The following FBXW9 variants were observed in gnomAD, a reference collection of about 807,000 sequenced individuals.
FBXW9 encodes F-box and WD repeat domain containing 9, also known as F-box/WD repeat-containing protein 9.
In FBXW9, 38 loss-of-function variants were observed where a neutral mutation model predicts 55.8. The observed-to-expected ratio is 0.68, with a 90% CI of 0.53 to 0.89. The LOEUF is 0.89. FBXW9 is among the 40% of genes least tolerant of loss of function. The probability of loss-of-function intolerance (pLI) is 0.00; values close to 1 mark genes in which losing one functional copy is unlikely to be tolerated. For synonymous variants in FBXW9, 289 were observed against 278.2 expected (o/e 1.04, Z -0.38); for missense variants, 590 against 619.4 (o/e 0.95, Z 0.50).
At position 12,689,472 on chromosome 19, in the gene FBXW9, GC is replaced by G. The variant is rs748147575; in HGVS notation, c.1237-36del. 6.2e-7 allele frequency: 1 copy of G among 1,614,082 alleles called. No homozygotes were observed. The highest frequency in any genetic ancestry group is 8.5e-7 in the Non-Finnish European group (1 of 1,179,924). ...GGCAATGGGCGAGGTCAAGAGGTGT[GC>G]CCCTGGCTGATGGAGGTAGGGGAGA... On this transcript the variant is annotated intron_variant, in intron 8 of 9. Coordinates refer to ENST00000393261, the MANE Select transcript of FBXW9 (RefSeq NM_032301.3). The surrounding 1 kb of genome is among the most constrained non-coding windows in gnomAD (Gnocchi z 5.9).
chr19:12,690,636 T>C (rs1347440173), intron 5 of FBXW9, among the ~76,000 whole-genome samples: 2 of 151,554 alleles, frequency 1.3e-5, no homozygotes, highest in Non-Finnish European at 2.9e-5. Context: ...AAAAGAAAAA[T>C]GGCCGGGCGC....
In FBXW9 at chr19:12,696,354, C is replaced by A. The variant is rs569766529; in HGVS notation, c.228G>T (p.Glu76Asp). The part of the protein sequence containing the change: ...RAASRVSAVS[E>D]PGLLSLPPEL... ...CCGGGGGAAGGCTCAGAAGGCCCGG[C>A]TCACTTACGGCCGAAACCCTGGACG... Residue 76 changes from glutamate (E) to aspartate (D), a missense_variant, in exon 1 of 10, where the codon GAG becomes GAT. Coordinates refer to ENST00000393261, the MANE Select transcript of FBXW9 (RefSeq NM_032301.3). The A allele has an allele frequency of 1.2e-6, 2 of 1,604,770 alleles. No individual in the cohort carries two copies. Among genetic ancestry groups the A allele is most frequent in the African/African-American group, 2.7e-5 (2 of 74,998 alleles).
chr19:12,691,564 A>C (rs140492246), intron 3 of FBXW9, 110 bp from the exon 4 acceptor site: 583 of 822,600 alleles, frequency 7.1e-4, no homozygotes, highest in Non-Finnish European at 9.4e-4. Flanking sequence ...GACTCACCCA[A>C]AGCCACATAG....
Position 12,694,925 on chromosome 19 carries a change from G to A in FBXW9, c.423C>T (p.Asp141=). 1.9e-6 allele frequency: 3 copies of A among 1,613,462 alleles called. No individual in the cohort carries two copies. Among genetic ancestry groups the A allele is most frequent in the Non-Finnish European group, 2.5e-6 (3 of 1,179,944 alleles). Residue 141 remains aspartate, a synonymous_variant, in exon 2 of 10, where the codon GAC becomes GAT. Coordinates refer to ENST00000393261, the MANE Select transcript of FBXW9 (RefSeq NM_032301.3). ...CCAGCGCAATGCAGGCTGCCGGCCA[G>A]TCAAAGTTCTTCTCTGTGGGTTACC... ...PYPVVEEKNF[D]WPAACIALEQ...
intron 1 of FBXW9, among the ~76,000 whole-genome samples, 153 bp downstream of exon 1, chr19:12,696,020 A>C (rs2025065288): frequency 6.6e-6 from 1 of 152,156 alleles, no homozygotes; most frequent in South Asian, 2.1e-4. Context: ...CGGCACCACC[A>C]GTAACTACCT....
In FBXW9 at chr19:12,689,809, G is replaced by A; in HGVS notation, c.1098C>T (p.Gly366=). The A allele has an allele frequency of 6.2e-7, 1 of 1,614,168 alleles. No homozygotes were observed. The highest frequency in any genetic ancestry group is 8.5e-7 in the Non-Finnish European group (1 of 1,180,022). The change falls in exon 7 of 10, where the codon GGC becomes GGT. Residue 366 remains glycine (G), a synonymous_variant. Coordinates refer to ENST00000393261, the MANE Select transcript of FBXW9 (RefSeq NM_032301.3). The surrounding 1 kb of genome is among the most constrained non-coding windows in gnomAD (Gnocchi z 5.9). ...EPQLWAGDNQ[G]LLHVFANRNG... is the part of the protein sequence containing the mutation. ...TGCGGTTGGCGAAGACGTGCAGCAGGCCCTGGTTGTCACCAGCCCAGAGCT... is the reference window on the plus strand; with the variant it reads ...TGCGGTTGGCGAAGACGTGCAGCAGACCCTGGTTGTCACCAGCCCAGAGCT...
At chr19:12,694,333 G>A (rs1236662032) in intron 3 of FBXW9, among the ~76,000 whole-genome samples, 2 of 124,402 alleles carry the variant, frequency 1.6e-5, no homozygotes, top group Non-Finnish European at 3.1e-5. Context: ...ACGAGACTCC[G>A]TCTCAAAAAA....
chr19:12,691,139 A>G (rs1474524226), intron 5 of FBXW9, 27 bp downstream of exon 5: 3 of 1,598,158 alleles, frequency 1.9e-6, no homozygotes, highest in South Asian at 1.1e-5. Context: ...ACATCTCCCA[A>G]CCTGGGCCCC....
At position 12,689,355 on chromosome 19, in the gene FBXW9, A is replaced by G; in HGVS notation, c.1302+17T>C. On this transcript the variant is annotated intron_variant, in intron 9 of 9. Transcript: ENST00000393261. The surrounding 1 kb of genome is among the most constrained non-coding windows in gnomAD (Gnocchi z 5.9). ...CGCTCTGGCCAGCTGGGCAGGGCAC[A>G]TGGGGCAGGACCTTACCCTATTGAG... 1 of 1,614,178 alleles carries G rather than the reference A, an allele frequency of 6.2e-7. No individual in the cohort carries two copies.
chr19:12,689,547 GGTCTT>G lies in FBXW9; in HGVS notation c.1225_1229del (p.Lys409HisfsTer19). The G allele has an allele frequency of 6.2e-7, 1 of 1,614,072 alleles. No individual in the cohort carries two copies. Among genetic ancestry groups the G allele is most frequent in the Non-Finnish European group, 8.5e-7 (1 of 1,179,964 alleles). ...GGCTGGGCAGGAGCCTCACCCGGAT[GGTCTT>G]GTCAGTGGATGTGGTGTACAAGGCT... is the stretch of plus-strand genomic sequence containing the variant. On this transcript the variant is annotated frameshift_variant, in exon 8 of 10. Transcript: ENST00000393261. LOFTEE classifies it high-confidence loss of function. This position sits in a 1 kb window ranked among gnomAD's most constrained non-coding sequence, Gnocchi z 5.9.
chr19:12,696,558 G>A lies in FBXW9; in HGVS notation c.24C>T (p.Cys8=). The change falls in exon 1 of 10, where the codon TGC becomes TGT. Residue 8 remains cysteine (C), a synonymous_variant. Coordinates refer to ENST00000393261, the MANE Select transcript of FBXW9 (RefSeq NM_032301.3). The part of the protein sequence containing the change: MELPLGR[C]DDSRTWDDDS... ...CATCGTCCCAGGTGCGGGAATCATC[G>A]CACCGCCCTAGGGGAAGCTCCATTG... The A allele has an allele frequency of 6.2e-7, 1 of 1,611,476 alleles. No homozygotes were observed. Among genetic ancestry groups the A allele is most frequent in the Non-Finnish European group, 8.5e-7 (1 of 1,179,948 alleles).
At chr19:12,695,844 T>A (rs2025063794) in intron 1 of FBXW9, among the ~76,000 whole-genome samples, 1 of 152,156 alleles carries the variant, frequency 6.6e-6, no homozygotes, top group African/African-American at 2.4e-5. Flanking sequence ...AGTCCCTGTG[T>A]CAATCCCCAA....
intron 3 of FBXW9, among the ~76,000 whole-genome samples, chr19:12,693,561 TACACAC>T (rs1169069518): frequency 0.066 from 679 of 10,242 alleles, 51 homozygotes; most frequent in Middle Eastern, 0.083. Context: ...TATATATATA[TACACAC>T]ACACACACAC....
In FBXW9 at chr19:12,689,816, T is replaced by C. The variant is rs2024979570; in HGVS notation, c.1091A>G (p.Asn364Ser). The change falls in exon 7 of 10, where the codon AAC becomes AGC. Residue 364 changes from asparagine (N) to serine (S), a missense_variant. Coordinates refer to ENST00000393261, the MANE Select transcript of FBXW9 (RefSeq NM_032301.3). The surrounding 1 kb of genome is among the most constrained non-coding windows in gnomAD (Gnocchi z 5.9). ...GGCGAAGACGTGCAGCAGGCCCTGGTTGTCACCAGCCCAGAGCTGGGGTTC... is the reference window on the plus strand; with the variant it reads ...GGCGAAGACGTGCAGCAGGCCCTGGCTGTCACCAGCCCAGAGCTGGGGTTC... ...YQEPQLWAGD[N>S]QGLLHVFANR... The C allele has an allele frequency of 2.5e-6, 4 of 1,613,952 alleles. No individual in the cohort carries two copies. Among genetic ancestry groups the C allele is most frequent in the Middle Eastern group, 1.6e-4 (1 of 6,084 alleles).
At chr19:12,696,054 A>G in intron 1 of FBXW9, 119 bp downstream of exon 1, 1 of 1,047,868 alleles carries the variant, frequency 9.5e-7, no homozygotes, top group South Asian at 1.7e-5. Flanking sequence ...GAGCCAGGAC[A>G]GCCACGAAGC....
chr19:12,691,765 T>C (rs1044366219), intron 3 of FBXW9, among the ~76,000 whole-genome samples: 1 of 152,170 alleles, frequency 6.6e-6, no homozygotes, highest in Admixed American at 6.5e-5. Flanking sequence ...AGAAACTTTT[T>C]TTTTTTGGAG....
At position 12,694,591 on chromosome 19, in the gene FBXW9, C is replaced by T. The variant is rs374938117; in HGVS notation, c.678+3G>A. On this transcript the variant is annotated splice_donor_region_variant and intron_variant, in intron 3 of 9. Transcript: ENST00000393261. The stretch of plus-strand genomic sequence containing the variant: ...TACCTCCTATCCCCACCTGACTCCT[C>T]ACCTCATGGGTACTATTTCGCTTAG... 1.2e-6 allele frequency: 2 copies of T among 1,613,396 alleles called. No individual in the cohort carries two copies. Among genetic ancestry groups the T allele is most frequent in the Non-Finnish European group, 1.7e-6 (2 of 1,179,374 alleles).
In FBXW9 at chr19:12,694,638, C is replaced by A. The variant is rs949364211; in HGVS notation, c.634G>T (p.Val212Phe). Residue 212 changes from valine (V) to phenylalanine (F), a missense_variant, in exon 3 of 10, where the codon GTT (valine) becomes TTT (phenylalanine). By Grantham distance (50) the Val-to-Phe change is conservative. Transcript: ENST00000393261. ...LRQLGTESNQ[V>F]LIKTLGTKRN... ...TTAGTGCCTAAGGTCTTGATCAGAA[C>A]CTGGTTGGACTCCGTCCCCAGCTGC... 6.2e-7 allele frequency: 1 copy of A among 1,614,114 alleles called. No individual in the cohort carries two copies. Among genetic ancestry groups the A allele is most frequent in the Admixed American group, 1.7e-5 (1 of 59,998 alleles).
chr19:12,690,633 A>C (rs2024994670), intron 5 of FBXW9, among the ~76,000 whole-genome samples: 1 of 152,020 alleles, frequency 6.6e-6, no homozygotes, highest in African/African-American at 2.4e-5. Context: ...AAAAAAAGAA[A>C]AATGGCCGGG....
Sources: allele counts gnomAD v4.1 joint callset (sites outside exome capture counted in the v4.1 genomes callset), GRCh38; gene constraint gnomAD v4.1.1; non-coding constraint Gnocchi (gnomAD v3.1); transcripts MANE v1.5; gene names NCBI Gene and HGNC (gene_info 2026-07-23, HGNC 2026-07-21).